SIGLEC5: variants seen among roughly 807,000 people sequenced by gnomAD.
SIGLEC5 encodes sialic acid-binding Ig-like lectin 5.
A neutral mutation model predicts 45.9 loss-of-function variants in SIGLEC5; 34 were observed. The observed-to-expected ratio is 0.74, with a 90% CI of 0.56 to 0.99. SIGLEC5 has a LOEUF of 0.99. SIGLEC5 is among the 50% of genes least tolerant of loss of function. The pLI is 0.00. For synonymous variants in SIGLEC5, 203 were observed against 258.6 expected (o/e 0.79, Z 2.06); for missense variants, 508 against 629.6 (o/e 0.81, Z 2.07).
At chr19:51,615,712 TAG>T (rs975454607) in intron 8 of SIGLEC5, among the ~76,000 whole-genome samples, 3 of 152,172 alleles carry the variant, frequency 2.0e-5, no homozygotes, top group African/African-American at 7.2e-5. Context: ...ACTGGGGTGA[TAG>T]GAAGTGGGAC....
At chr19:51,628,205 G>T in intron 4 of SIGLEC5, 114 bp from the exon 5 acceptor site, 2 of 1,239,720 alleles carry the variant, frequency 1.6e-6, no homozygotes, top group Admixed American at 3.0e-5. Flanking sequence ...CCTGGCCTAT[G>T]CTGGCTTGAT....
chr19:51,622,616 C>A (rs73050882), intron 8 of SIGLEC5, among the ~76,000 whole-genome samples: 8,714 of 152,102 alleles, frequency 0.057, 335 homozygotes, highest in East Asian at 0.18. Flanking sequence ...AGAATAGAGA[C>A]CACAGAAAGA....
intron 8 of SIGLEC5, among the ~76,000 whole-genome samples, chr19:51,616,151 A>C (rs1983046607): frequency 6.6e-6 from 1 of 152,208 alleles, no homozygotes; most frequent in South Asian, 2.1e-4. Flanking sequence ...AAACACTGCC[A>C]GAGTAGCCAA....
Position 51,626,099 on chromosome 19 carries a change from C to T in SIGLEC5, c.1397G>A (p.Arg466Lys). Residue 466 changes from arginine to lysine, a missense_variant, in exon 8 of 9, where the codon AGG (arginine) becomes AAG (lysine). By Grantham distance (26) the Arg-to-Lys change is conservative (BLOSUM62 2). Transcript: ENST00000683636. ...LIFFLIVKAR[R>K]KQAAGRPEKM... ...CTCTGGTCTCCCAGCTGCTTGCTTC[C>T]TGCGGGCTTTCACTCTAAGGAAAGA... 1 of 1,613,810 alleles carries T rather than the reference C, an allele frequency of 6.2e-7. No homozygotes were observed. Among genetic ancestry groups the T allele is most frequent in the Non-Finnish European group, 8.5e-7 (1 of 1,180,006 alleles).
Position 51,612,408 on chromosome 19 carries a change from C to T in SIGLEC5, c.1479G>A (p.Lys493=). 1 of 1,610,546 alleles carries T rather than the reference C, an allele frequency of 6.2e-7. No homozygotes were observed. The highest frequency in any genetic ancestry group is 1.1e-5 in the South Asian group (1 of 90,588). The change falls in exon 9 of 9, where the codon AAG becomes AAA. Residue 493 remains lysine (K), a synonymous_variant. Coordinates refer to ENST00000683636, the MANE Select transcript of SIGLEC5 (RefSeq NM_003830.4). ...GATCTCCGGGGCTGTCTGGCCAGGGCTTCTTCCTGGAACCCTGAGTAAAGG... is the reference window on the plus strand; with the variant it reads ...GATCTCCGGGGCTGTCTGGCCAGGGTTTCTTCCTGGAACCCTGAGTAAAGG... ...MGTITSGSRK[K]PWPDSPGDQA... is the part of the protein sequence containing the mutation.
rs759569922 is a variant in SIGLEC5 at position 51,627,462 on chromosome 19, C to T, written c.1282G>A (p.Gly428Arg). 30 of 1,610,988 alleles carry T rather than the reference C, an allele frequency of 1.9e-5. 4 individuals are homozygous for T. The South Asian group carries it at 2.9e-4, about 15-fold the overall frequency. Reference sequence around the variant, plus strand: ...TGCCCTCTGCAATACGCCCCCTGACCTTGCAGCAGCAGGACAGAGCCGCTC... The same window carrying T: ...TGCCCTCTGCAATACGCCCCCTGACTTTGCAGCAGCAGGACAGAGCCGCTC... ...SQSGSVLLLQ[G>R]RSNLGTGVVP... Residue 428 changes from glycine (G) to arginine (R), a missense_variant and splice_region_variant, in exon 6 of 9, where the codon GGG becomes AGG. Physicochemically the swap from Gly to Arg is moderately radical, Grantham distance 125. This residue lies in a region of SIGLEC5 where 431 missense variants were observed against 428.8 expected (regional missense o/e 1.01). Transcript: ENST00000683636.
At position 51,627,857 on chromosome 19, in the gene SIGLEC5, A is replaced by G. The variant is rs774937510; in HGVS notation, c.974T>C (p.Ile325Thr). The change falls in exon 5 of 9, where the codon ATT becomes ACT. Residue 325 changes from isoleucine (I) to threonine (T), a missense_variant. Around this residue, in one of 2 missense-constraint regions of SIGLEC5, gnomAD observed 431 missense variants for 428.8 expected, o/e 1.01. Transcript: ENST00000683636. Reference sequence around the variant, plus strand: ...ACAGTAAACTGAGAGATTCAGAAAAATTTGCAGGAAGCCCAGCGGGTGCTG... The same window carrying G: ...ACAGTAAACTGAGAGATTCAGAAAAGTTTGCAGGAAGCCCAGCGGGTGCTG... The part of the protein sequence containing the change: ...RAQHPLGFLQ[I>T]FLNLSVYSLP... 3 of 1,607,326 alleles carry G rather than the reference A, an allele frequency of 1.9e-6. No homozygotes were observed. Among genetic ancestry groups the G allele is most frequent in the East Asian group, 4.5e-5 (2 of 44,832 alleles).
intron 8 of SIGLEC5, among the ~76,000 whole-genome samples, chr19:51,619,332 G>A (rs557824849): frequency 3.6e-4 from 54 of 152,112 alleles, no homozygotes; most frequent in Non-Finnish European, 1.2e-4. Context: ...TGCCCACCTC[G>A]GCCTCCCAAA....
chr19:51,618,741 G>A (rs1360642256), intron 8 of SIGLEC5, among the ~76,000 whole-genome samples: 57 of 125,150 alleles, frequency 4.6e-4, no homozygotes, highest in Admixed American at 9.1e-4. Context: ...GCAGTGAGCC[G>A]AGATCGTGCC....
chr19:51,622,195 G>A lies in SIGLEC5; in HGVS notation c.1464+3837C>T, dbSNP rs184177593. 1.1e-3 allele frequency among the ~76,000 whole-genome samples: 171 copies of A among 152,102 alleles called. 2 individuals carry two copies. The highest frequency in any genetic ancestry group is 4.4e-4 in the Non-Finnish European group (30 of 67,992). On this transcript the variant is annotated intron_variant, in intron 8 of 8. Transcript: ENST00000683636. ...CACCCAGGCTGGAGTGCACTGGCGC[G>A]ATCTCCGCTCACTGCAAGCTCTGCC...
Position 51,627,944 on chromosome 19 carries a change from G to C in SIGLEC5, c.887C>G (p.Thr296Ser). 1.2e-6 allele frequency: 2 copies of C among 1,614,114 alleles called. No individual in the cohort carries two copies. Among genetic ancestry groups the C allele is most frequent in the Middle Eastern group, 1.6e-4 (1 of 6,062 alleles). The change falls in exon 5 of 9, where the codon ACC (threonine) becomes AGC (serine). Residue 296 changes from threonine to serine, a missense_variant. By Grantham distance (58) the Thr-to-Ser change is moderately conservative (BLOSUM62 1). Transcript: ENST00000683636. The stretch of plus-strand genomic sequence containing the variant: ...TACTCGACGAAGCTCCAAGATCCCG[G>C]TATTGGAGATGGGGGTGGCGTTCAG... Reference protein sequence around the residue: ...PALNATPISNTGILELRRVRS... With the variant: ...PALNATPISNSGILELRRVRS...
intron 8 of SIGLEC5, among the ~76,000 whole-genome samples, chr19:51,619,045 G>A (rs769304128): frequency 6.6e-6 from 1 of 152,152 alleles, no homozygotes; most frequent in Non-Finnish European, 1.5e-5. Context: ...GACATCTGAA[G>A]ATTTGGATTT....
rs764529624 is a variant in SIGLEC5, at chr19:51,627,677, C to T, written c.1067G>A (p.Arg356Gln). 9 of 1,609,966 alleles carry T rather than the reference C, an allele frequency of 5.6e-6. No homozygotes were observed. Among genetic ancestry groups the T allele is most frequent in the Non-Finnish European group, 5.1e-6 (6 of 1,178,566 alleles). Residue 356 changes from arginine (R) to glutamine (Q), a missense_variant, in exon 6 of 9, where the codon CGA becomes CAA. Arg to Gln is a conservative substitution (Grantham distance 43). Transcript: ENST00000683636. ...GCACAGGGAGGGGGCCGGCCGGGCTCGAAAGGAGCATCTGCAGTGCAGACC... is the reference window on the plus strand; with the variant it reads ...GCACAGGGAGGGGGCCGGCCGGGCTTGAAAGGAGCATCTGCAGTGCAGACC... The part of the protein sequence containing the change: ...AEGLHCRCSF[R>Q]ARPAPSLCWR...
chr19:51,612,184 A>C lies in SIGLEC5; in HGVS notation c.*47T>G, dbSNP rs772991782. 1 of 1,484,158 alleles carries C rather than the reference A, an allele frequency of 6.7e-7. No individual in the cohort carries two copies. The highest frequency in any genetic ancestry group is 9.1e-7 in the Non-Finnish European group (1 of 1,101,508). 91.9% of individuals were successfully genotyped at this position (1,484,158 alleles called of 1,614,324 possible). A position where few individuals can be genotyped will look rare whatever the true frequency, so the allele number is the denominator to read the frequency against. ...TGGTCCCTGACTTGTCCTTTCCCCC[A>C]GACAGGCTGTGGCTCCTCCAGCCAG... On this transcript the variant is annotated 3_prime_UTR_variant, in exon 9 of 9. Coordinates refer to ENST00000683636, the MANE Select transcript of SIGLEC5 (RefSeq NM_003830.4).
chr19:51,627,183 G>T lies in SIGLEC5; in HGVS notation c.1348C>A (p.Leu450Ile). Residue 450 changes from leucine (L) to isoleucine (I), a missense_variant, in exon 7 of 9, where the codon CTC (leucine) becomes ATC (isoleucine). Transcript: ENST00000683636. ...ALGGAGVMAL[L>I]CICLCLIFFL... ...AAGATGAGGCACAGACAGATACAGA[G>T]CAGGGCCATGACACCAGCACCACCA... 6.2e-7 allele frequency: 1 copy of T among 1,614,064 alleles called. No homozygotes were observed. The highest frequency in any genetic ancestry group is 8.5e-7 in the Non-Finnish European group (1 of 1,179,950).
rs757813029 is a variant in SIGLEC5, at chr19:51,612,235, T to C, written c.1652A>G (p.Lys551Arg). The change falls in exon 9 of 9, where the codon AAG (lysine) becomes AGG (arginine). Residue 551 changes from lysine (K) to arginine (R), a missense_variant. Physicochemically the swap from Lys to Arg is conservative, Grantham distance 26. Coordinates refer to ENST00000683636, the MANE Select transcript of SIGLEC5 (RefSeq NM_003830.4). The part of the protein sequence containing the change: ...TTEYSEIKTS[K>R] ...GACTGAACTCTGGGCAAATCCTCAC[T>C]TGCTTGTCTTGATCTCCGAGTACTC... is the stretch of plus-strand genomic sequence containing the variant. The C allele has an allele frequency of 6.3e-7, 1 of 1,592,834 alleles. No individual in the cohort carries two copies. The highest frequency in any genetic ancestry group is 1.1e-5 in the South Asian group (1 of 89,426).
intron 4 of SIGLEC5, among the ~76,000 whole-genome samples, chr19:51,628,826 C>T (rs12985416): frequency 1.3e-4 from 17 of 133,764 alleles, no homozygotes; most frequent in South Asian, 2.5e-4. Context: ...TGTGTGTGTG[C>T]GTGTGTGTGT....
At chr19:51,618,992 C>T (rs1172763582) in intron 8 of SIGLEC5, among the ~76,000 whole-genome samples, 1 of 152,122 alleles carries the variant, frequency 6.6e-6, no homozygotes, top group African/African-American at 2.4e-5. Flanking sequence ...TGTAAGATTT[C>T]AACACACCTC....
intron 6 of SIGLEC5, 64 bp from the exon 7 acceptor site, chr19:51,627,312 C>G (rs1382139454): frequency 2.6e-6 from 4 of 1,565,992 alleles, no homozygotes; most frequent in Non-Finnish European, 3.5e-6. Flanking sequence ...CTCCCACCTG[C>G]TGGGCAACTT....
Sources: gnomAD v4.1 joint callset for allele counts (sites outside exome capture counted in the v4.1 genomes callset) on GRCh38, gnomAD v4.1.1 for gene constraint, gnomAD v4.1.1 regional missense constraint, MANE v1.5 for transcripts, NCBI Gene and HGNC (gene_info 2026-07-23, HGNC 2026-07-21) for gene names.